KDM2A: variants seen among roughly 807,000 people sequenced by gnomAD.
The protein encoded by KDM2A is lysine demethylase 2A, also known as lysine-specific demethylase 2A.
Under a neutral mutation model 137.3 loss-of-function variants are expected in KDM2A, and 3 were observed. The ratio of observed to expected loss-of-function variants is 0.02; its 90% CI spans 0.01 to 0.06. The LOEUF is 0.06. KDM2A is among the 10% of genes least tolerant of loss of function. The pLI is 1.00. For synonymous variants in KDM2A, 512 were observed against 541.5 expected (o/e 0.95, Z 0.76); for missense variants, 738 against 1,510.6 (o/e 0.49, Z 8.48).
intron 5 of KDM2A, among the ~76,000 whole-genome samples, chr11:67,188,991 T>C (rs958353637): frequency 6.6e-5 from 10 of 152,008 alleles, no homozygotes; most frequent in African/African-American, 7.3e-5. Context: ...CAGTACCCCC[T>C]CTCAATAATG....
At chr11:67,164,680 GC>G (rs145589452) in intron 2 of KDM2A, among the ~76,000 whole-genome samples, 5,888 of 152,006 alleles carry the variant, frequency 0.039, 458 homozygotes, top group Admixed American at 0.18. Flanking sequence ...GAGTGTAGTG[GC>G]ACAATCTCGG....
At chr11:67,120,580 G>A (rs995942579) in intron 1 of KDM2A, among the ~76,000 whole-genome samples, 5 of 152,110 alleles carry the variant, frequency 3.3e-5, no homozygotes, top group African/African-American at 4.8e-5. Context: ...TATCCAAAAA[G>A]ATCAGATGGA....
intron 5 of KDM2A, among the ~76,000 whole-genome samples, chr11:67,202,216 T>C (rs1857644878): frequency 6.6e-6 from 1 of 152,156 alleles, no homozygotes. Context: ...TTCTTATGGA[T>C]GAGCAAATAA....
chr11:67,125,015 A>G (rs1008966684), intron 2 of KDM2A, among the ~76,000 whole-genome samples: 11 of 150,752 alleles, frequency 7.3e-5, no homozygotes, highest in Admixed American at 4.0e-4. Flanking sequence ...CCGCCGCCAC[A>G]CCCGGCTAAT....
At chr11:67,232,358 A>G (rs1456233893) in intron 12 of KDM2A, among the ~76,000 whole-genome samples, 3 of 152,248 alleles carry the variant, frequency 2.0e-5, no homozygotes, top group African/African-American at 4.8e-5. Context: ...AAATTGTTCT[A>G]TGCTGGGTTA....
chr11:67,218,223 A>G (rs879226591), intron 9 of KDM2A, among the ~76,000 whole-genome samples: 2 of 152,188 alleles, frequency 1.3e-5, no homozygotes, highest in African/African-American at 4.8e-5. Context: ...CTACTATTCT[A>G]GGGAATGGCT....
chr11:67,184,899 G>C (rs1254547751), intron 5 of KDM2A, among the ~76,000 whole-genome samples: 1 of 152,042 alleles, frequency 6.6e-6, no homozygotes, highest in African/African-American at 2.4e-5. Context: ...GAGAGAATTG[G>C]ATTTCAAGAG....
chr11:67,250,590 G>T lies in KDM2A; in HGVS notation c.2560G>T (p.Gly854Trp). ...CCAGCGTGGGGATGAGGAGGGGCTG[G>T]GGGGAGAGGAGGAGGAAGAGGAGGA... ...TPQRGDEEGL[G>W]GEEEEEEEEE... Residue 854 changes from glycine to tryptophan, a missense_variant, in exon 17 of 21, where the codon GGG (glycine) becomes TGG (tryptophan). Coordinates refer to ENST00000529006, the MANE Select transcript of KDM2A (RefSeq NM_012308.3). The surrounding 1 kb of genome is among the most constrained non-coding windows in gnomAD (Gnocchi z 7.1). The T allele has an allele frequency of 6.2e-7, 1 of 1,613,164 alleles. No homozygotes were observed. Among genetic ancestry groups the T allele is most frequent in the South Asian group, 1.1e-5 (1 of 91,034 alleles).
At chr11:67,176,708 G>A (rs144798503) in intron 2 of KDM2A, among the ~76,000 whole-genome samples, 140 of 152,164 alleles carry the variant, frequency 9.2e-4, no homozygotes, top group African/African-American at 3.1e-3. Flanking sequence ...TTACAGTACT[G>A]AATACTATAG....
intron 5 of KDM2A, among the ~76,000 whole-genome samples, chr11:67,205,351 A>G (rs1857769123): frequency 6.6e-6 from 1 of 152,142 alleles, no homozygotes; most frequent in Non-Finnish European, 1.5e-5. Context: ...CACAGTGGCC[A>G]TATTCTTCTC....
At chr11:67,208,941 A>AT (rs1162233641) in intron 6 of KDM2A, among the ~76,000 whole-genome samples, 44 of 148,624 alleles carry the variant, frequency 3.0e-4, no homozygotes, top group African/African-American at 6.2e-4. Context: ...ATTATTTATT[A>AT]TTTTTTTTTT....
chr11:67,240,467 C>T (rs1056984204), intron 12 of KDM2A: 3 of 1,006,656 alleles, frequency 3.0e-6, no homozygotes, highest in African/African-American at 1.6e-5. Flanking sequence ...GCCTGCCGGG[C>T]GAGTCCAGGA....
intron 5 of KDM2A, 33 bp from the exon 6 acceptor site, chr11:67,207,477 C>T (rs759397670): frequency 7.9e-5 from 120 of 1,517,596 alleles, no homozygotes; most frequent in Admixed American, 1.4e-4. Flanking sequence ...ATTAGTGGCT[C>T]GATAGAGATG....
chr11:67,122,381 CA>C, intron 2 of KDM2A, among the ~76,000 whole-genome samples: 1 of 152,246 alleles, frequency 6.6e-6, no homozygotes, highest in Middle Eastern at 3.4e-3. Context: ...GCTTGGAGTG[CA>C]GTGGCGTGAT....
At chr11:67,179,710 T>C (rs189693691) in intron 2 of KDM2A, among the ~76,000 whole-genome samples, 4 of 152,354 alleles carry the variant, frequency 2.6e-5, no homozygotes, top group Middle Eastern at 3.4e-3. Flanking sequence ...GTGAAAAAAT[T>C]ATATTTTGTA....
chr11:67,215,831 A>T, intron 7 of KDM2A, 25 bp from the exon 8 acceptor site: 1 of 1,590,244 alleles, frequency 6.3e-7, no homozygotes, highest in Non-Finnish European at 8.6e-7. Context: ...TCAGTACACT[A>T]ATGCTGCTGC....
At chr11:67,196,558 A>T in intron 5 of KDM2A, 1 of 440,736 alleles carries the variant, frequency 2.3e-6, no homozygotes, top group Non-Finnish European at 4.6e-6. Context: ...AAAGGAAGGA[A>T]ATTCTGATAT....
At chr11:67,131,336 A>G (rs910272817) in intron 2 of KDM2A, among the ~76,000 whole-genome samples, 11 of 151,818 alleles carry the variant, frequency 7.2e-5, no homozygotes, top group African/African-American at 2.4e-4. Context: ...AAAAAATAAT[A>G]ATAATAACAC....
chr11:67,180,652 T>A (rs1272971335), intron 3 of KDM2A, among the ~76,000 whole-genome samples: 1 of 152,056 alleles, frequency 6.6e-6, no homozygotes, highest in Admixed American at 6.6e-5. Flanking sequence ...AATTAATGTT[T>A]TGTTTACTTT....
Sources: allele counts gnomAD v4.1 joint callset (sites outside exome capture counted in the v4.1 genomes callset), GRCh38; gene constraint gnomAD v4.1.1; non-coding constraint Gnocchi (gnomAD v3.1); transcripts MANE v1.5; gene names NCBI Gene and HGNC (gene_info 2026-07-23, HGNC 2026-07-21).